Variants in RHOBTB2 observed in about 807,000 individuals in gnomAD.
RHOBTB2 encodes the protein Rho related BTB domain containing 2.
RHOBTB2 carries 39 observed loss-of-function variants against 66.5 expected under a neutral mutation model. That is an observed-to-expected ratio of 0.59 (90% confidence interval 0.45 to 0.77). RHOBTB2 has a LOEUF of 0.77. RHOBTB2 is among the 30% of genes least tolerant of loss of function. The pLI, the probability that RHOBTB2 is intolerant of heterozygous loss-of-function variation, is 0.00. For synonymous variants in RHOBTB2, 390 were observed against 395.0 expected, an observed-to-expected ratio of 0.99 and a Z score of 0.15; for missense variants, 755 against 999.1, an observed-to-expected ratio of 0.76 and a Z score of 3.29.
the RHOBTB2 span, among the ~76,000 whole-genome samples, chr8:22,973,573 C>T: frequency 6.6e-6 from 1 of 152,088 alleles, no homozygotes; most frequent in Admixed American, 6.5e-5. Flanking sequence ...CCCTGGAGGG[C>T]AAGCAGTGGG....
chr8:23,013,214 GTGGGCCACCAAGCC>G (rs1472001578), intron 7 of RHOBTB2, among the ~76,000 whole-genome samples: 1 of 151,958 alleles, frequency 6.6e-6, no homozygotes, highest in Non-Finnish European at 1.5e-5. Flanking sequence ...GATTACAGGC[GTGGGCCACCAAGCC>G]TGGCCTAGTT....
chr8:22,954,823 C>T, the RHOBTB2 span, among the ~76,000 whole-genome samples: 1 of 152,088 alleles, frequency 6.6e-6, no homozygotes, highest in Non-Finnish European at 1.5e-5. Flanking sequence ...AAACAAAAAC[C>T]TTTTCTTTCG....
At chr8:22,976,793 GT>G in the RHOBTB2 span, among the ~76,000 whole-genome samples, 35 of 146,100 alleles carry the variant, frequency 2.4e-4, no homozygotes, top group East Asian at 5.9e-4. Context: ...CCCCAGATAG[GT>G]TTTTTTTTTT....
the RHOBTB2 span, among the ~76,000 whole-genome samples, chr8:22,955,039 G>C: frequency 1.3e-5 from 2 of 152,198 alleles, no homozygotes; most frequent in East Asian, 1.9e-4. Flanking sequence ...GCTGAGGCAC[G>C]AGAATTGCTT....
At chr8:22,990,010 G>A (rs920239688) in intron 1 of RHOBTB2, among the ~76,000 whole-genome samples, 2 of 152,094 alleles carry the variant, frequency 1.3e-5, no homozygotes, top group Admixed American at 6.6e-5. Flanking sequence ...TTTAAATGAG[G>A]TAGTACATGC....
the RHOBTB2 span, among the ~76,000 whole-genome samples, chr8:22,957,322 G>A: frequency 6.6e-6 from 1 of 152,046 alleles, no homozygotes; most frequent in Non-Finnish European, 1.5e-5. Context: ...TTGCTCTTTT[G>A]TGATCACTAA....
At chr8:22,958,391 G>A in the RHOBTB2 span, among the ~76,000 whole-genome samples, 2 of 152,134 alleles carry the variant, frequency 1.3e-5, no homozygotes, top group African/African-American at 4.8e-5. Context: ...TGGCAAACTG[G>A]GGCATAGTGT....
the RHOBTB2 span, among the ~76,000 whole-genome samples, chr8:22,963,471 AG>A: frequency 6.6e-6 from 1 of 152,198 alleles, no homozygotes; most frequent in African/African-American, 2.4e-5. Flanking sequence ...AGAAAAGCAC[AG>A]GAAGTTTCCC....
chr8:22,953,574 T>C, the RHOBTB2 span, among the ~76,000 whole-genome samples: 1 of 152,184 alleles, frequency 6.6e-6, no homozygotes, highest in Admixed American at 6.5e-5. Context: ...TCTCTCAGTG[T>C]AGGGCCCATG....
In RHOBTB2 at chr8:23,009,185, A is replaced by AG. The variant is rs1554504931; in HGVS notation, c.1620+1074_1620+1075insG. On this transcript the variant is annotated intron_variant, in intron 6 of 9. Coordinates refer to ENST00000251822, the MANE Select transcript of RHOBTB2 (RefSeq NM_015178.3). ...AAAAGAAAAAAAGAGAGAGAGAGAG[A>AG]AAAGAAGGAAGGGAGGGAGGGAGGG... Among the ~76,000 whole-genome samples the AG allele has an allele frequency of 2.7e-4, 38 of 143,226 alleles. No homozygotes were observed. In the East Asian group the frequency reaches 5.1e-3, roughly 19 times the overall value. 94.0% of individuals were successfully genotyped at this position (143,226 alleles called of 152,430 possible).
At chr8:23,009,926 T>C (rs911579934) in intron 6 of RHOBTB2, among the ~76,000 whole-genome samples, 6 of 152,164 alleles carry the variant, frequency 3.9e-5, no homozygotes, top group Non-Finnish European at 7.4e-5. Flanking sequence ...AGGCAGTTTG[T>C]GTTGCAGCGC....
the RHOBTB2 span, among the ~76,000 whole-genome samples, chr8:22,954,356 A>G: frequency 2.5e-4 from 38 of 152,166 alleles, no homozygotes; most frequent in East Asian, 3.3e-3. Context: ...TTTGTTTTTT[A>G]ACGTATGTAT....
upstream of RHOBTB2, among the ~76,000 whole-genome samples, chr8:22,983,993 C>T (rs1391051761): frequency 6.6e-6 from 1 of 152,202 alleles, no homozygotes; most frequent in African/African-American, 2.4e-5. Context: ...CTCAACCTCC[C>T]AAAGTGCTGG....
chr8:22,975,944 G>A, the RHOBTB2 span, among the ~76,000 whole-genome samples: 1 of 151,932 alleles, frequency 6.6e-6, no homozygotes, highest in East Asian at 1.9e-4. Flanking sequence ...TCAGGAGTTC[G>A]GGACCAGCCT....
At chr8:23,011,263 C>T (rs146716196) in intron 7 of RHOBTB2, among the ~76,000 whole-genome samples, 92 of 152,200 alleles carry the variant, frequency 6.0e-4, no homozygotes, top group South Asian at 1.2e-3. Flanking sequence ...CAAAAACAAA[C>T]AAACAAAAAA....
At position 23,007,513 on chromosome 8, in the gene RHOBTB2, C is replaced by T. The variant is rs139965515; in HGVS notation, c.1268C>T (p.Pro423Leu). The change falls in exon 5 of 10, where the codon CCG becomes CTG. Residue 423 changes from proline to leucine, a missense_variant. Coordinates refer to ENST00000251822, the MANE Select transcript of RHOBTB2 (RefSeq NM_015178.3). ...GTGAAGATGGACAGTTCCATCCAGC[C>T]GGGGCCCTTCCGGGCTGTCCTCAAG... is the stretch of plus-strand genomic sequence containing the variant. ...VVVKMDSSIQ[P>L]GPFRAVLKYL... 2.4e-5 allele frequency: 38 copies of T among 1,614,028 alleles called. No individual in the cohort carries two copies. The highest frequency in any genetic ancestry group is 2.7e-5 in the African/African-American group (2 of 74,926).
chr8:23,009,280 G>T (rs1266854007), intron 6 of RHOBTB2, among the ~76,000 whole-genome samples: 1 of 152,064 alleles, frequency 6.6e-6, no homozygotes, highest in Non-Finnish European at 1.5e-5. Flanking sequence ...TAGCTCTCAC[G>T]ATGCCACCAC....
chr8:23,014,651 T>A (rs751011073), intron 7 of RHOBTB2, 39 bp from the exon 8 acceptor site: 1 of 1,580,160 alleles, frequency 6.3e-7, no homozygotes, highest in Admixed American at 1.7e-5. Context: ...GCACAGGTCA[T>A]GTGCTTCTTC....
the RHOBTB2 span, among the ~76,000 whole-genome samples, chr8:22,965,656 G>A: frequency 6.6e-6 from 1 of 152,134 alleles, no homozygotes; most frequent in Admixed American, 6.5e-5. Context: ...TTTTGACAAG[G>A]TTGCCAAGAC....
Sources: allele counts gnomAD v4.1 joint callset (sites outside exome capture counted in the v4.1 genomes callset), GRCh38; gene constraint gnomAD v4.1.1; transcripts MANE v1.5; gene names NCBI Gene and HGNC (gene_info 2026-07-23, HGNC 2026-07-21).